The following FAM174A variants were observed in gnomAD, a reference collection of about 807,000 sequenced individuals.
The protein encoded by FAM174A is family with sequence similarity 174 member A.
Under a neutral mutation model 14.3 loss-of-function variants are expected in FAM174A, and 14 were observed. That is an observed-to-expected ratio of 0.98 (90% CI 0.65 to 1.53). The LOEUF (loss-of-function observed/expected upper bound fraction) is 1.53, where lower values mean the gene tolerates loss of function less well. Ranked by LOEUF, FAM174A falls within the 40% of genes most tolerant of loss-of-function variation. The pLI, the probability that FAM174A is intolerant of heterozygous loss-of-function variation, is 0.00. For missense variants in FAM174A, 241 were observed against 249.6 expected, an observed-to-expected ratio of 0.97 and a Z score of 0.23; for synonymous variants, 108 against 111.4, an observed-to-expected ratio of 0.97 and a Z score of 0.19.
chr5:100,553,250 CT>C (rs1478518390), intron 1 of FAM174A, among the ~76,000 whole-genome samples: 2 of 151,870 alleles, frequency 1.3e-5, no homozygotes, highest in African/African-American at 2.4e-5. Flanking sequence ...ACAAAGTAGC[CT>C]TTTTACTTAA....
intron 1 of FAM174A, among the ~76,000 whole-genome samples, chr5:100,540,285 A>G (rs1331234290): frequency 6.6e-6 from 1 of 152,174 alleles, no homozygotes; most frequent in African/African-American, 2.4e-5. Context: ...TTAACCATTT[A>G]TGTATTTAGT....
chr5:100,542,820 C>A (rs1339345653), intron 1 of FAM174A, among the ~76,000 whole-genome samples: 2 of 151,270 alleles, frequency 1.3e-5, no homozygotes, highest in Admixed American at 6.6e-5. Context: ...ATAGTGAGAT[C>A]CTGCTTATTA....
chr5:100,581,119 G>A (rs921912947), intron 2 of FAM174A, among the ~76,000 whole-genome samples: 2 of 151,978 alleles, frequency 1.3e-5, no homozygotes, highest in Non-Finnish European at 2.9e-5. Flanking sequence ...TAGTAGAGGC[G>A]GGGTTTCACC....
intron 2 of FAM174A, among the ~76,000 whole-genome samples, chr5:100,564,421 A>G (rs2112388259): frequency 6.6e-6 from 1 of 152,002 alleles, no homozygotes; most frequent in African/African-American, 2.4e-5. Context: ...TGCTTATGCT[A>G]TGAAAGAAGA....
chr5:100,557,767 TG>T (rs1160865955), intron 1 of FAM174A, among the ~76,000 whole-genome samples: 1 of 152,238 alleles, frequency 6.6e-6, no homozygotes, highest in Non-Finnish European at 1.5e-5. Context: ...TGTATTGCCA[TG>T]GGATCGGTGG....
chr5:100,564,034 G>A (rs1322108908), intron 2 of FAM174A, among the ~76,000 whole-genome samples: 1 of 151,636 alleles, frequency 6.6e-6, no homozygotes, highest in Non-Finnish European at 1.5e-5. Flanking sequence ...GTTGTTTTAA[G>A]TGTGTAGCAC....
At chr5:100,574,686 A>G (rs768410687) in intron 2 of FAM174A, among the ~76,000 whole-genome samples, 13 of 152,164 alleles carry the variant, frequency 8.5e-5, no homozygotes, top group Non-Finnish European at 1.6e-4. Flanking sequence ...ATTGAATAAA[A>G]ATTAGCAAAG....
intron 1 of FAM174A, 95 bp from the exon 2 acceptor site, chr5:100,561,959 C>G (rs1183055462): frequency 5.8e-5 from 40 of 690,140 alleles, no homozygotes; most frequent in Non-Finnish European, 8.1e-5. Context: ...ATATTGTTTG[C>G]TATGTCAGAA....
intron 1 of FAM174A, among the ~76,000 whole-genome samples, chr5:100,543,156 C>A (rs577408279): frequency 2.7e-4 from 41 of 152,204 alleles, no homozygotes; most frequent in Non-Finnish European, 4.6e-4. Context: ...AGCTGCATTT[C>A]TTTTATTTAT....
intron 2 of FAM174A, among the ~76,000 whole-genome samples, chr5:100,580,030 G>T (rs1039743106): frequency 6.6e-6 from 1 of 152,020 alleles, no homozygotes; most frequent in African/African-American, 2.4e-5. Context: ...AAAAAAATTC[G>T]CTTCAGTGGT....
intron 1 of FAM174A, among the ~76,000 whole-genome samples, chr5:100,541,518 G>T (rs907499125): frequency 1.3e-5 from 2 of 151,968 alleles, no homozygotes; most frequent in African/African-American, 4.8e-5. Flanking sequence ...AGAAGTATTG[G>T]ATGAGAGCTG....
chr5:100,542,280 C>G (rs1355337754), intron 1 of FAM174A, among the ~76,000 whole-genome samples: 2 of 152,178 alleles, frequency 1.3e-5, no homozygotes, highest in African/African-American at 2.4e-5. Context: ...GACTTGTTTT[C>G]AAGTTTAAGC....
chr5:100,581,458 A>G, intron 2 of FAM174A: 3 of 897,382 alleles, frequency 3.3e-6, no homozygotes, highest in Non-Finnish European at 4.0e-6. Context: ...TTAATCAAAT[A>G]AGAGCCTATG....
chr5:100,568,271 A>G (rs1341362808), intron 2 of FAM174A, among the ~76,000 whole-genome samples: 2 of 151,830 alleles, frequency 1.3e-5, no homozygotes, highest in Non-Finnish European at 2.9e-5. Flanking sequence ...ACTCGGTCCC[A>G]TGTTTTTTAA....
At chr5:100,581,925 C>T (rs995409636) in intron 2 of FAM174A, among the ~76,000 whole-genome samples, 4 of 152,066 alleles carry the variant, frequency 2.6e-5, no homozygotes, top group African/African-American at 2.4e-5. Context: ...AGGTTAATTA[C>T]GAGTCTCAAA....
chr5:100,555,378 G>A (rs1022245310), intron 1 of FAM174A, among the ~76,000 whole-genome samples: 15 of 152,164 alleles, frequency 9.9e-5, no homozygotes, highest in Middle Eastern at 3.4e-3. Context: ...GAATAGTGTC[G>A]CAATAAACAT....
intron 1 of FAM174A, among the ~76,000 whole-genome samples, chr5:100,557,957 A>T (rs1480727270): frequency 6.6e-6 from 1 of 151,874 alleles, no homozygotes; most frequent in Non-Finnish European, 1.5e-5. Context: ...CTCTGATCTT[A>T]GTTATTTCTT....
intron 2 of FAM174A, among the ~76,000 whole-genome samples, chr5:100,566,491 A>G (rs1190069269): frequency 4.6e-5 from 7 of 151,726 alleles, no homozygotes; most frequent in Non-Finnish European, 1.0e-4. Flanking sequence ...TGAATAAGCT[A>G]TGCAAGATGA....
At chr5:100,579,675 C>T (rs989147220) in intron 2 of FAM174A, among the ~76,000 whole-genome samples, 6 of 152,140 alleles carry the variant, frequency 3.9e-5, no homozygotes, top group Non-Finnish European at 5.9e-5. Flanking sequence ...ATCTACCCAC[C>T]TCAGTCACCC....
Sources: allele counts gnomAD v4.1 joint callset (sites outside exome capture counted in the v4.1 genomes callset), GRCh38; gene constraint gnomAD v4.1.1; transcripts MANE v1.5; gene names NCBI Gene and HGNC (gene_info 2026-07-23, HGNC 2026-07-21).